Variants in NEB observed in about 807,000 individuals in gnomAD.
NEB encodes nebulin, also known as nemaline myopathy type 2.
A neutral mutation model predicts 952.2 loss-of-function variants in NEB; 512 were observed. The ratio of observed to expected loss-of-function variants is 0.54; its 90% CI spans 0.50 to 0.58. The LOEUF (loss-of-function observed/expected upper bound fraction) is 0.58, where lower values mean the gene tolerates loss of function less well. Among genes scored for constraint, NEB ranks in the 20% least tolerant of loss-of-function variants. The probability of loss-of-function intolerance (pLI) is 0.00; values close to 1 mark genes in which losing one functional copy is unlikely to be tolerated. For synonymous variants in NEB, 2,900 were observed against 3,149.8 expected, an observed-to-expected ratio of 0.92 and a Z score of 2.66; for missense variants, 8,428 against 9,231.1, an observed-to-expected ratio of 0.91 and a Z score of 3.56.
chr2:151,666,434 CTAGCA>C, intron 40 of NEB, 33 bp from the exon 41 acceptor site: 3 of 1,595,424 alleles, frequency 1.9e-6, no homozygotes, highest in Non-Finnish European at 2.6e-6. Context: ...CAGAAGTTGG[CTAGCA>C]TAGAAGTCTG....
At chr2:151,615,443 G>A (rs1052055656) in intron 76 of NEB, among the ~76,000 whole-genome samples, 1 of 152,198 alleles carries the variant, frequency 6.6e-6, no homozygotes, top group African/African-American at 2.4e-5. Context: ...AGAGGCAAGC[G>A]GGTACTGAGA....
intron 176 of NEB, chr2:151,493,081 T>C (rs906101489): frequency 2.2e-5 from 8 of 368,334 alleles, no homozygotes; most frequent in Admixed American, 4.4e-5. Context: ...TACCTCAAAG[T>C]ATAGGGGAAG....
intron 77 of NEB, among the ~76,000 whole-genome samples, chr2:151,613,305 A>C (rs1364508955): frequency 6.6e-6 from 1 of 152,222 alleles, no homozygotes; most frequent in Non-Finnish European, 1.5e-5. Flanking sequence ...TTCATTTTTA[A>C]ACTTCCATTC....
chr2:151,571,632 A>C (rs1578068796), intron 107 of NEB, among the ~76,000 whole-genome samples: 1 of 152,298 alleles, frequency 6.6e-6, no homozygotes. Context: ...TGGATGTCAC[A>C]GCTATTTTTT....
In NEB at chr2:151,492,272, GATATTTC is replaced by G; in HGVS notation, c.24876_24882del (p.Lys8293MetfsTer15). On this transcript the variant is annotated frameshift_variant and splice_region_variant, in exon 178 of 182. Coordinates refer to ENST00000397345, the MANE Select transcript of NEB (RefSeq NM_001164508.2). LOFTEE classifies it high-confidence loss of function. ...CCCTTGTGTTTCTCAAAGTCTTCATGATATTTCACCTGAAATGTCATGAATTTGCTTT... is the reference window on the plus strand; with the variant it reads ...CCCTTGTGTTTCTCAAAGTCTTCATGACCTGAAATGTCATGAATTTGCTTT... 6.2e-7 allele frequency: 1 copy of G among 1,611,358 alleles called. No homozygotes were observed. Among genetic ancestry groups the G allele is most frequent in the Non-Finnish European group, 8.5e-7 (1 of 1,178,174 alleles).
At chr2:151,533,215 T>C (rs1475014771) in intron 143 of NEB, among the ~76,000 whole-genome samples, 1 of 152,216 alleles carries the variant, frequency 6.6e-6, no homozygotes, top group African/African-American at 2.4e-5. Flanking sequence ...AAAGAATCAG[T>C]TAATTTTATT....
intron 67 of NEB, among the ~76,000 whole-genome samples, chr2:151,630,201 C>A (rs1212113486): frequency 6.6e-6 from 1 of 152,040 alleles, no homozygotes; most frequent in Non-Finnish European, 1.5e-5. Flanking sequence ...TATTAATAAA[C>A]CACGTGTCTA....
chr2:151,634,035 A>G (rs1464007580), intron 64 of NEB, 70 bp from the exon 65 acceptor site: 4 of 1,496,238 alleles, frequency 2.7e-6, no homozygotes, highest in Non-Finnish European at 2.7e-6. Flanking sequence ...TGCAAAATCA[A>G]CTTGCTTACA....
intron 69 of NEB, 141 bp from the exon 70 acceptor site, chr2:151,627,346 G>T: frequency 7.4e-7 from 1 of 1,359,340 alleles, no homozygotes; most frequent in Non-Finnish European, 9.9e-7. Context: ...ATTGAATACA[G>T]TCTCAGGTAT....
At chr2:151,719,370 C>G (rs1167731688) in intron 9 of NEB, among the ~76,000 whole-genome samples, 1 of 152,212 alleles carries the variant, frequency 6.6e-6, no homozygotes, top group Non-Finnish European at 1.5e-5. Context: ...ATTTTCCCTT[C>G]CTCATGGCAG....
Position 151,677,713 on chromosome 2 carries a change from C to G in NEB, c.3626G>C (p.Gly1209Ala). The G allele has an allele frequency of 6.2e-7, 1 of 1,613,934 alleles. No individual in the cohort carries two copies. The highest frequency in any genetic ancestry group is 8.5e-7 in the Non-Finnish European group (1 of 1,179,878). The change falls in exon 34 of 182, where the codon GGC becomes GCC. Residue 1209 changes from glycine to alanine, a missense_variant. Physicochemically the swap from Gly to Ala is moderately conservative, Grantham distance 60 (BLOSUM62 0). Transcript: ENST00000397345. ...TTTAACTTTTTCGACGTCGAGACTG[C>G]CAATAGGAATCCAGCCAATGCCTTT... ...WMKGIGWIPI[G>A]SLDVEKVKKA... is the part of the protein sequence containing the mutation.
rs749042104 is a variant in NEB at position 151,654,042 on chromosome 2, C to T, written c.6865G>A (p.Asp2289Asn). Residue 2289 changes from aspartate (D) to asparagine (N), a missense_variant, in exon 52 of 182, where the codon GAT becomes AAT. By Grantham distance (23) the Asp-to-Asn change is conservative. Around this residue, in one of 11 missense-constraint regions of NEB, gnomAD observed 2,851 missense variants for 2,791.5 expected, o/e 1.02. Transcript: ENST00000397345. ...ALKKGYDLPV[D>N]AISVQLAKAS... ...TTAGCTAGCTGTACAGAAATTGCAT[C>T]AACTGGGAGATCATAGCCTTTCTTC... 1.9e-6 allele frequency: 3 copies of T among 1,612,736 alleles called. No individual in the cohort carries two copies. Among genetic ancestry groups the T allele is most frequent in the Non-Finnish European group, 2.5e-6 (3 of 1,179,148 alleles).
In NEB at chr2:151,531,104, GA is replaced by G; in HGVS notation, c.21523-4del. 1 of 1,585,950 alleles carries G rather than the reference GA, an allele frequency of 6.3e-7. No individual in the cohort carries two copies. Among genetic ancestry groups the G allele is most frequent in the Non-Finnish European group, 8.6e-7 (1 of 1,156,084 alleles). Reference sequence around the variant, plus strand: ...TTGTATTCCAATTTATAAAGGATCTGAAAGATCAAAAAGCAGAAAGACATCA... The same window carrying G: ...TTGTATTCCAATTTATAAAGGATCTGAAGATCAAAAAGCAGAAAGACATCA... On this transcript the variant is annotated splice_region_variant and splice_polypyrimidine_tract_variant and intron_variant, in intron 144 of 181. Transcript: ENST00000397345.
chr2:151,647,985 T>C (rs149734174), intron 54 of NEB, among the ~76,000 whole-genome samples: 5 of 152,330 alleles, frequency 3.3e-5, no homozygotes, highest in Middle Eastern at 3.4e-3. Context: ...ACAGACGGAA[T>C]ATTTAGGCAT....
chr2:151,514,181 T>G (rs976285254), intron 159 of NEB, 137 bp downstream of exon 159: 1 of 655,350 alleles, frequency 1.5e-6, no homozygotes, highest in African/African-American at 1.8e-5. Flanking sequence ...TTAACAATTA[T>G]GTTGATATGG....
chr2:151,633,514 C>T, intron 65 of NEB, 140 bp downstream of exon 65: 1 of 1,244,244 alleles, frequency 8.0e-7, no homozygotes, highest in East Asian at 2.6e-5. Flanking sequence ...CATAATAAAG[C>T]AATAAAATTG....
chr2:151,522,937 G>A (rs1262748929), intron 153 of NEB, among the ~76,000 whole-genome samples: 1 of 152,130 alleles, frequency 6.6e-6, no homozygotes, highest in Non-Finnish European at 1.5e-5. Flanking sequence ...TCAATCCGGA[G>A]ACCAGCCTTT....
intron 133 of NEB, 72 bp from the exon 134 acceptor site, chr2:151,546,515 C>A: frequency 1.1e-6 from 1 of 887,628 alleles, no homozygotes; most frequent in Non-Finnish European, 1.9e-6. Context: ...GATGGAGTAG[C>A]AACACTTCTT....
At position 151,688,420 on chromosome 2, in the gene NEB, C is replaced by T. The variant is rs772042865; in HGVS notation, c.2311-24G>A. The T allele has an allele frequency of 2.8e-5, 44 of 1,570,550 alleles. No individual in the cohort carries two copies. The South Asian group carries it at 4.0e-4, about 14-fold the overall frequency. ...AGCTGAAAAACAAAGGATATTTGAA[C>T]GGTTCAGGGGAACTTCTTTGAATTT... On this transcript the variant is annotated intron_variant, in intron 24 of 181. Transcript: ENST00000397345.
Sources: allele counts gnomAD v4.1 joint callset (sites outside exome capture counted in the v4.1 genomes callset), GRCh38; gene constraint gnomAD v4.1.1; regional missense constraint gnomAD v4.1.1; transcripts MANE v1.5; gene names NCBI Gene and HGNC (gene_info 2026-07-23, HGNC 2026-07-21).